SNAP25: variants seen among roughly 807,000 people sequenced by gnomAD.
SNAP25 encodes synaptosome associated protein 25, also known as synaptosomal-associated protein 25.
Under a neutral mutation model 28.7 loss-of-function variants are expected in SNAP25, and 3 were observed. That is an observed-to-expected ratio of 0.10 (90% confidence interval 0.05 to 0.27). The LOEUF is 0.27. Among genes scored for constraint, SNAP25 ranks in the 10% least tolerant of loss-of-function variants. SNAP25 has a pLI of 1.00. For synonymous variants in SNAP25, 61 were observed against 88.1 expected (o/e 0.69, Z 1.72); for missense variants, 117 against 278.7 (o/e 0.42, Z 4.13).
intron 1 of SNAP25, among the ~76,000 whole-genome samples, chr20:10,237,574 G>A (rs987638414): frequency 4.6e-5 from 7 of 152,252 alleles, no homozygotes; most frequent in Admixed American, 3.9e-4. Flanking sequence ...TTGATAGCTC[G>A]GACCTTCATT....
chr20:10,224,769 T>C (rs2062705291), intron 1 of SNAP25, among the ~76,000 whole-genome samples: 1 of 152,012 alleles, frequency 6.6e-6, no homozygotes. Flanking sequence ...ATCACTGCTT[T>C]GGGTATCTCC....
In SNAP25 at chr20:10,224,944, C is replaced by T. The variant is rs2062708309; in HGVS notation, c.-64+5967C>T. ...TCACTCATCCTCTTACTTCTTCTGC[C>T]GCTTAGCAAAGAGGAAACAGAAGCT... On this transcript the variant is annotated intron_variant, in intron 1 of 7. Transcript: ENST00000254976. 5.3e-5 allele frequency among the ~76,000 whole-genome samples: 8 copies of T among 151,772 alleles called. No individual in the cohort carries two copies. The South Asian group carries it at 1.5e-3, about 28-fold the overall frequency.
At chr20:10,246,790 T>C (rs1158675964) in intron 1 of SNAP25, among the ~76,000 whole-genome samples, 1 of 152,208 alleles carries the variant, frequency 6.6e-6, no homozygotes. Flanking sequence ...CACCAGCCGC[T>C]GGGTACAATA....
At chr20:10,244,377 C>A (rs1287960411) in intron 1 of SNAP25, among the ~76,000 whole-genome samples, 1 of 152,212 alleles carries the variant, frequency 6.6e-6, no homozygotes, top group Non-Finnish European at 1.5e-5. Flanking sequence ...TTAGCACTTA[C>A]TATATGCCCA....
rs985677448 is a variant in SNAP25, at chr20:10,307,318, T to TTA, written c.*1124_*1125dup. 1.4e-4 allele frequency: 21 copies of TTA among 152,610 alleles called. No individual in the cohort carries two copies. The highest frequency in any genetic ancestry group is 1.2e-3 in the Admixed American group (19 of 15,266). 9.5% of individuals were successfully genotyped at this position (152,610 alleles called of 1,614,324 possible). A position where few individuals can be genotyped will look rare whatever the true frequency, so the allele number is the denominator to read the frequency against. On this transcript the variant is annotated 3_prime_UTR_variant, in exon 8 of 8. Coordinates refer to ENST00000254976, the MANE Select transcript of SNAP25 (RefSeq NM_130811.4). ...AATATAAACTGTGAGATAAATATCATTATAGCATGTAATATTAAATTCCTC... is the reference window on the plus strand; with the variant it reads ...AATATAAACTGTGAGATAAATATCATTATATAGCATGTAATATTAAATTCCTC...
chr20:10,288,200 A>G (rs1276808929), intron 4 of SNAP25, among the ~76,000 whole-genome samples: 1 of 152,038 alleles, frequency 6.6e-6, no homozygotes, highest in Non-Finnish European at 1.5e-5. Flanking sequence ...ATAAATAAAC[A>G]TATACACTCA....
At chr20:10,260,275 A>T (rs1377207236) in intron 1 of SNAP25, among the ~76,000 whole-genome samples, 1 of 152,110 alleles carries the variant, frequency 6.6e-6, no homozygotes, top group Non-Finnish European at 1.5e-5. Context: ...CTCAGGATGG[A>T]TTCTTCCCTC....
At chr20:10,219,013 C>G (rs868076973) in intron 1 of SNAP25, 36 bp downstream of exon 1, 1 of 152,094 alleles carries the variant, frequency 6.6e-6, no homozygotes, top group Non-Finnish European at 1.5e-5. Context: ...GGCTCTGGCT[C>G]GGGATGGCTG....
chr20:10,258,429 A>G (rs1298010564), intron 1 of SNAP25, among the ~76,000 whole-genome samples: 1 of 152,212 alleles, frequency 6.6e-6, no homozygotes, highest in Admixed American at 6.5e-5. Context: ...CCATGATCAA[A>G]CATGGATTTA....
In SNAP25 at chr20:10,253,639, C is replaced by G. The variant is rs189168509; in HGVS notation, c.-63-21790C>G. On this transcript the variant is annotated intron_variant, in intron 1 of 7. Transcript: ENST00000254976. Reference sequence around the variant, plus strand: ...GCAGCCAAGGGTCCCATTCAGCAAGCCTGAGGAGTGCTGGTGGACTTCTCA... The same window carrying G: ...GCAGCCAAGGGTCCCATTCAGCAAGGCTGAGGAGTGCTGGTGGACTTCTCA... Among the ~76,000 whole-genome samples, 63 of 152,214 alleles carry G rather than the reference C, an allele frequency of 4.1e-4. 3 individuals are homozygous for G. Among genetic ancestry groups the G allele is most frequent in the East Asian group, 2.3e-3 (12 of 5,178 alleles).
At chr20:10,231,177 G>A (rs2062823108) in intron 1 of SNAP25, among the ~76,000 whole-genome samples, 1 of 151,100 alleles carries the variant, frequency 6.6e-6, no homozygotes, top group African/African-American at 2.4e-5. Context: ...CTACCACAGA[G>A]GCAGAGAGTC....
chr20:10,245,526 G>C (rs1275744229), intron 1 of SNAP25, among the ~76,000 whole-genome samples: 1 of 152,176 alleles, frequency 6.6e-6, no homozygotes, highest in Non-Finnish European at 1.5e-5. Context: ...GTAAGTGAAT[G>C]TTCATTTCAA....
intron 1 of SNAP25, among the ~76,000 whole-genome samples, chr20:10,249,787 C>G (rs537794382): frequency 2.8e-4 from 42 of 152,244 alleles, no homozygotes; most frequent in African/African-American, 9.9e-4. Flanking sequence ...TTTAGAAGCC[C>G]TAGTCTAACA....
At chr20:10,229,777 G>C (rs6039779) in intron 1 of SNAP25, among the ~76,000 whole-genome samples, 1 of 152,050 alleles carries the variant, frequency 6.6e-6, no homozygotes, top group Non-Finnish European at 1.5e-5. Context: ...GTTTAATCAA[G>C]GTCTTGCAAT....
At chr20:10,265,467 T>C (rs761007252) in intron 1 of SNAP25, among the ~76,000 whole-genome samples, 7 of 152,238 alleles carry the variant, frequency 4.6e-5, no homozygotes, top group Non-Finnish European at 1.0e-4. Context: ...CTCTTCTTCC[T>C]CTGTCTTACA....
intron 1 of SNAP25, among the ~76,000 whole-genome samples, chr20:10,246,432 G>A (rs1036337539): frequency 6.6e-6 from 1 of 152,174 alleles, no homozygotes; most frequent in African/African-American, 2.4e-5. Context: ...ATGATTGGCC[G>A]AGCCCAGGAA....
At chr20:10,299,782 G>T (rs1182370614) in intron 7 of SNAP25, among the ~76,000 whole-genome samples, 1 of 152,124 alleles carries the variant, frequency 6.6e-6, no homozygotes, top group Non-Finnish European at 1.5e-5. Context: ...TTCACTAAGA[G>T]ATCCACAGAT....
intron 1 of SNAP25, among the ~76,000 whole-genome samples, chr20:10,262,648 C>T (rs1160385600): frequency 2.0e-5 from 3 of 151,996 alleles, no homozygotes; most frequent in Admixed American, 2.0e-4. Flanking sequence ...AGAAGCAGAC[C>T]CTTAGACAGG....
chr20:10,277,929 C>G (rs1380982407), intron 3 of SNAP25: 1 of 524,444 alleles, frequency 1.9e-6, no homozygotes. Context: ...CTTCCCAGCC[C>G]AAGCCACCTC....
Sources: allele counts gnomAD v4.1 joint callset (sites outside exome capture counted in the v4.1 genomes callset), GRCh38; gene constraint gnomAD v4.1.1; transcripts MANE v1.5; gene names NCBI Gene and HGNC (gene_info 2026-07-23, HGNC 2026-07-21).